Variants in MYO9A observed in about 807,000 individuals in gnomAD.
MYO9A encodes the protein myosin IXA.
A neutral mutation model predicts 293.3 loss-of-function variants in MYO9A; 103 were observed. That is an observed-to-expected ratio of 0.35 (90% CI 0.30 to 0.41). MYO9A has a LOEUF of 0.41. Among genes scored for constraint, MYO9A ranks in the 10% least tolerant of loss-of-function variants. MYO9A has a pLI of 1.00. For missense variants in MYO9A, 2,685 were observed against 3,033.0 expected, an observed-to-expected ratio of 0.89 and a Z score of 2.69; for synonymous variants, 1,001 against 1,035.7, an observed-to-expected ratio of 0.97 and a Z score of 0.64.
chr15:71,945,457 C>T (rs958028398), intron 15 of MYO9A, among the ~76,000 whole-genome samples: 3 of 151,972 alleles, frequency 2.0e-5, no homozygotes, highest in Non-Finnish European at 4.4e-5. Context: ...CAGACCAACT[C>T]TTGTAAAATA....
Position 71,826,966 on chromosome 15 carries a change from T to C in MYO9A, c.7261A>G (p.Lys2421Glu), listed in dbSNP as rs1280483016. 2 of 1,613,666 alleles carry C rather than the reference T, an allele frequency of 1.2e-6. No homozygotes were observed. Among genetic ancestry groups the C allele is most frequent in the Non-Finnish European group, 8.5e-7 (1 of 1,179,850 alleles). ...ACGACATCTAAAGAGTCTTGCTGCT[T>C]TTTAAGTTGCTTTCGCAACTTGCTG... ...PSSKLRKQLK[K>E]QQDSLDVVDS... The change falls in exon 42 of 42, where the codon AAG (lysine) becomes GAG (glutamate). Residue 2421 changes from lysine (K) to glutamate (E), a missense_variant. By Grantham distance (56) the Lys-to-Glu change is moderately conservative. This residue lies in a region of MYO9A where 350 missense variants were observed against 328.9 expected (regional missense o/e 1.06). Transcript: ENST00000356056.
At chr15:72,045,191 T>C (rs976646827) in intron 2 of MYO9A, 1 of 152,368 alleles carries the variant, frequency 6.6e-6, no homozygotes, top group African/African-American at 2.4e-5. Flanking sequence ...CTATAGCTTC[T>C]CAGCCTTTTG....
At chr15:71,946,896 T>C (rs2058930422) in intron 15 of MYO9A, among the ~76,000 whole-genome samples, 1 of 152,206 alleles carries the variant, frequency 6.6e-6, no homozygotes, top group Admixed American at 6.5e-5. Context: ...GGAGGATTGC[T>C]TGAAGCCAGG....
chr15:72,045,509 A>C (rs2078358077), intron 2 of MYO9A: 1 of 393,400 alleles, frequency 2.5e-6, no homozygotes. Flanking sequence ...CAGGTGATCC[A>C]CCCACCTAGG....
At chr15:71,944,399 C>T (rs1320478387) in intron 15 of MYO9A, among the ~76,000 whole-genome samples, 2 of 152,080 alleles carry the variant, frequency 1.3e-5, no homozygotes, top group African/African-American at 4.8e-5. Flanking sequence ...TCTTATGTCT[C>T]ATCTAAGAAA....
In MYO9A at chr15:71,826,518, C is replaced by T; in HGVS notation, c.*62G>A. 1 of 1,465,792 alleles carries T rather than the reference C, an allele frequency of 6.8e-7. No individual in the cohort carries two copies. Among genetic ancestry groups the T allele is most frequent in the East Asian group, 2.3e-5 (1 of 44,112 alleles). The allele number at this position is 1,465,792 out of a possible 1,614,324, so 90.8% of individuals were successfully genotyped here. ...CTATTGTGGACGAGGTGATGAAACG[C>T]AGCCCCAAAGGTGAGATTTGTTTAC... On this transcript the variant is annotated 3_prime_UTR_variant, in exon 42 of 42. Transcript: ENST00000356056.
intron 1 of MYO9A, among the ~76,000 whole-genome samples, chr15:72,110,911 G>C (rs995694995): frequency 3.9e-5 from 6 of 152,186 alleles, no homozygotes; most frequent in Non-Finnish European, 8.8e-5. Flanking sequence ...TGTAATCCCA[G>C]CACTTTGGGA....
chr15:71,966,466 T>A (rs910907376), intron 13 of MYO9A, among the ~76,000 whole-genome samples: 4 of 152,182 alleles, frequency 2.6e-5, no homozygotes, highest in African/African-American at 9.7e-5. Flanking sequence ...AGTTTTTCTA[T>A]AGCTCAAGCT....
intron 16 of MYO9A, among the ~76,000 whole-genome samples, chr15:71,935,879 A>G (rs1259670942): frequency 6.7e-6 from 1 of 149,814 alleles, no homozygotes; most frequent in Non-Finnish European, 1.5e-5. Context: ...TGGAATATCT[A>G]ATTTCCTCCT....
At chr15:72,048,456 TG>T (rs2078458393) in intron 1 of MYO9A, among the ~76,000 whole-genome samples, 1 of 152,052 alleles carries the variant, frequency 6.6e-6, no homozygotes, top group African/African-American at 2.4e-5. Context: ...CTATTCACTG[TG>T]GTACTGGTTC....
At chr15:72,085,785 T>C (rs1230622974) in intron 1 of MYO9A, among the ~76,000 whole-genome samples, 3 of 152,184 alleles carry the variant, frequency 2.0e-5, no homozygotes, top group Non-Finnish European at 2.9e-5. Flanking sequence ...GATGCTGTCC[T>C]TCGAAATGGT....
At chr15:72,087,130 T>C (rs1251987470) in intron 1 of MYO9A, among the ~76,000 whole-genome samples, 2 of 152,138 alleles carry the variant, frequency 1.3e-5, no homozygotes, top group African/African-American at 4.8e-5. Flanking sequence ...GCCCAGGAGC[T>C]ATGATGCAGG....
Position 71,897,696 on chromosome 15 carries a change from C to T in MYO9A, c.4807G>A (p.Val1603Met), listed in dbSNP as rs559611076. 1.6e-4 allele frequency: 251 copies of T among 1,614,102 alleles called. 5 individuals carry two copies. In the South Asian group the frequency reaches 2.3e-3, roughly 15 times the overall value. ...GGACTTCCTTTTCTTTCAAAGAACA[C>T]GGTGACAGGTCGGTCCTTTGGGGGT... ...HLPPKDRPVT[V>M]FFERKGSPCQ... Residue 1603 changes from valine (V) to methionine (M), a missense_variant, in exon 25 of 42, where the codon GTG becomes ATG. Coordinates refer to ENST00000356056, the MANE Select transcript of MYO9A (RefSeq NM_006901.4).
chr15:71,986,514 A>T (rs2076410459), intron 11 of MYO9A, among the ~76,000 whole-genome samples: 1 of 152,202 alleles, frequency 6.6e-6, no homozygotes, highest in Non-Finnish European at 1.5e-5. Flanking sequence ...TACAACAGGG[A>T]TCCCTAATCT....
At chr15:71,926,796 G>A (rs1263773712) in intron 18 of MYO9A, among the ~76,000 whole-genome samples, 2 of 152,198 alleles carry the variant, frequency 1.3e-5, no homozygotes, top group Non-Finnish European at 1.5e-5. Flanking sequence ...CAGGAGCAGA[G>A]CTACCAGACA....
chr15:71,878,353 A>C, intron 30 of MYO9A, 122 bp from the exon 31 acceptor site: 1 of 627,566 alleles, frequency 1.6e-6, no homozygotes, highest in Non-Finnish European at 2.5e-6. Context: ...TATAATTTCT[A>C]ATGAGCATGC....
chr15:71,959,743 CA>C, intron 14 of MYO9A, 157 bp downstream of exon 14: 1 of 641,318 alleles, frequency 1.6e-6, no homozygotes, highest in South Asian at 2.0e-5. Context: ...TTCATAGTCA[CA>C]AATCAGTTAA....
At chr15:71,839,571 G>GCTAA (rs1315835608) in intron 39 of MYO9A, among the ~76,000 whole-genome samples, 2 of 152,080 alleles carry the variant, frequency 1.3e-5, no homozygotes, top group African/African-American at 4.8e-5. Context: ...ACCATGCCCA[G>GCTAA]CTAACTTTTT....
chr15:71,861,547 AC>A (rs1263334800), intron 33 of MYO9A, among the ~76,000 whole-genome samples: 1 of 148,242 alleles, frequency 6.7e-6, no homozygotes, highest in Non-Finnish European at 1.5e-5. Context: ...TAGAAAAAGT[AC>A]CTTTTTGACT....
Sources: allele counts gnomAD v4.1 joint callset (sites outside exome capture counted in the v4.1 genomes callset), GRCh38; gene constraint gnomAD v4.1.1; regional missense constraint gnomAD v4.1.1; transcripts MANE v1.5; gene names NCBI Gene and HGNC (gene_info 2026-07-23, HGNC 2026-07-21).